CTBP2: variants seen among roughly 807,000 people sequenced by gnomAD.
CTBP2 encodes C-terminal binding protein 2, also known as C-terminal-binding protein 2.
A neutral mutation model predicts 80.3 loss-of-function variants in CTBP2; 30 were observed. The ratio of observed to expected loss-of-function variants is 0.37; its 90% CI spans 0.28 to 0.51. The LOEUF is 0.51. Among genes scored for constraint, CTBP2 ranks in the 20% least tolerant of loss-of-function variants. The probability of loss-of-function intolerance (pLI) is 0.93; values close to 1 mark genes in which losing one functional copy is unlikely to be tolerated. For missense variants in CTBP2, 1,212 were observed against 1,375.3 expected, an observed-to-expected ratio of 0.88 and a Z score of 1.88; for synonymous variants, 594 against 587.4, an observed-to-expected ratio of 1.01 and a Z score of -0.16.
At chr10:125,096,742 CAA>C (rs1355574957) in intron 2 of CTBP2, among the ~76,000 whole-genome samples, 1 of 120,050 alleles carries the variant, frequency 8.3e-6, no homozygotes. Flanking sequence ...TGAAATAGCT[CAA>C]AGAGACTTGT....
chr10:125,097,557 T>C (rs74493873), intron 2 of CTBP2, among the ~76,000 whole-genome samples: 4,662 of 152,272 alleles, frequency 0.031, 106 homozygotes, highest in Middle Eastern at 0.065. Flanking sequence ...AAGCCTGTTC[T>C]CTGTCCCGCT....
chr10:125,103,963 C>T (rs1851045188), intron 2 of CTBP2, among the ~76,000 whole-genome samples: 1 of 152,176 alleles, frequency 6.6e-6, no homozygotes, highest in Admixed American at 6.5e-5. Context: ...TTACACCCTA[C>T]CCACGACAAC....
chr10:125,058,193 T>C (rs558329309), intron 2 of CTBP2, among the ~76,000 whole-genome samples: 14 of 152,130 alleles, frequency 9.2e-5, no homozygotes, highest in Middle Eastern at 3.4e-3. Flanking sequence ...GAGGTCCCAG[T>C]TGCACCCAGC....
At position 125,040,599 on chromosome 10, in the gene CTBP2, TACACACACAC is replaced by T. The variant is rs59512017; in HGVS notation, c.-101-1454_-101-1445del. On this transcript the variant is annotated intron_variant, in intron 2 of 10. Transcript: ENST00000337195. ...TTTTAAGACCACCACCACAACCACA[TACACACACAC>T]ACACACACACACACACAGAAAAAGT... is the stretch of plus-strand genomic sequence containing the variant. Among the ~76,000 whole-genome samples, 4 of 145,976 alleles carry T rather than the reference TACACACACAC, an allele frequency of 2.7e-5. 1 individual carries two copies. In the South Asian group the frequency reaches 6.6e-4, roughly 24 times the overall value.
At chr10:125,002,350 G>A (rs3781442) in intron 3 of CTBP2, among the ~76,000 whole-genome samples, 64,502 of 152,168 alleles carry the variant, frequency 0.42, 15,537 homozygotes, top group East Asian at 0.66. Context: ...ACCCCCAGCC[G>A]CAAGTGCATG....
At position 124,985,556 on chromosome 10, in the gene CTBP2, T is replaced by TG. The variant is rs1314922129; in HGVS notation, c.*3961_*3962insC. 6.6e-6 allele frequency: 1 copy of TG among 152,652 alleles called. No homozygotes were observed. Among genetic ancestry groups the TG allele is most frequent in the Non-Finnish European group, 1.5e-5 (1 of 68,054 alleles). The allele number at this position is 152,652 out of a possible 1,614,324, so 9.5% of individuals were successfully genotyped here. On this transcript the variant is annotated 3_prime_UTR_variant, in exon 9 of 9. Coordinates refer to ENST00000309035, the MANE Select transcript of CTBP2 (RefSeq NM_022802.3). ...GTTCCTCTTGTGCCCAATCAAATCT[T>TG]TTAGGAACAAACTGCAAGAAAAGCT...
At chr10:125,107,620 G>A (rs1851658596) in intron 2 of CTBP2, among the ~76,000 whole-genome samples, 1 of 152,248 alleles carries the variant, frequency 6.6e-6, no homozygotes, top group Non-Finnish European at 1.5e-5. Flanking sequence ...TAGGTGGCCT[G>A]CTACAGCCAC....
chr10:125,083,604 C>T (rs1165585850), intron 2 of CTBP2, among the ~76,000 whole-genome samples: 1 of 152,160 alleles, frequency 6.6e-6, no homozygotes, highest in Non-Finnish European at 1.5e-5. Flanking sequence ...GCACCTTAGT[C>T]CGAACAAGCA....
intron 2 of CTBP2, among the ~76,000 whole-genome samples, chr10:125,105,058 GGGTGTGATCACA>G (rs1177447460): frequency 1.3e-5 from 2 of 152,190 alleles, no homozygotes; most frequent in Non-Finnish European, 2.9e-5. Context: ...CTAAGTAGAG[GGGTGTGATCACA>G]GTGCACTGCA....
intron 1 of CTBP2, among the ~76,000 whole-genome samples, chr10:125,142,541 C>T (rs1441755584): frequency 1.3e-5 from 2 of 152,146 alleles, no homozygotes; most frequent in Admixed American, 6.5e-5. Context: ...GGGATGGTTC[C>T]GCAACCACCC....
intron 1 of CTBP2, among the ~76,000 whole-genome samples, chr10:125,016,986 C>T (rs545783651): frequency 6.6e-6 from 1 of 152,220 alleles, no homozygotes; most frequent in Non-Finnish European, 1.5e-5. Context: ...GACTGGCCTG[C>T]GCTGGGCAGT....
chr10:125,020,120 T>C (rs1590114121), intron 1 of CTBP2, among the ~76,000 whole-genome samples: 1 of 152,218 alleles, frequency 6.6e-6, no homozygotes, highest in East Asian at 1.9e-4. Flanking sequence ...TCTGCTCAGG[T>C]ACTTATGCCC....
chr10:125,044,545 T>C (rs1960754081), intron 2 of CTBP2, among the ~76,000 whole-genome samples: 1 of 152,236 alleles, frequency 6.6e-6, no homozygotes, highest in Non-Finnish European at 1.5e-5. Context: ...GAGAGCTGGG[T>C]AGAATCTTCT....
intron 2 of CTBP2, among the ~76,000 whole-genome samples, chr10:125,101,893 C>T (rs1370826811): frequency 6.6e-6 from 1 of 152,158 alleles, no homozygotes; most frequent in African/African-American, 2.4e-5. Context: ...CAATTTTCTA[C>T]ATCCATACAT....
chr10:125,135,231 G>A (rs368843057), intron 1 of CTBP2, among the ~76,000 whole-genome samples: 3 of 152,180 alleles, frequency 2.0e-5, no homozygotes, highest in African/African-American at 7.2e-5. Context: ...GCCCAGGAAT[G>A]CCTCCAGGTG....
intron 3 of CTBP2, among the ~76,000 whole-genome samples, chr10:125,001,872 GGA>G (rs1954556549): frequency 6.6e-6 from 1 of 152,246 alleles, no homozygotes; most frequent in Non-Finnish European, 1.5e-5. Flanking sequence ...CTAAGGCTGT[GGA>G]GAGACAGCTG....
intron 1 of CTBP2, among the ~76,000 whole-genome samples, chr10:125,120,039 T>G (rs1417423541): frequency 6.6e-6 from 1 of 152,252 alleles, no homozygotes; most frequent in Non-Finnish European, 1.5e-5. Context: ...AAGGATGTTC[T>G]CTTGGGGATT....
chr10:125,112,956 T>C (rs1852553357), intron 1 of CTBP2, among the ~76,000 whole-genome samples: 1 of 152,186 alleles, frequency 6.6e-6, no homozygotes, highest in Non-Finnish European at 1.5e-5. Flanking sequence ...CTGAATTCAA[T>C]GAGTCCTCCG....
At chr10:125,038,468 GT>G (rs1471735013) in intron 3 of CTBP2, among the ~76,000 whole-genome samples, 1 of 152,140 alleles carries the variant, frequency 6.6e-6, no homozygotes, top group Admixed American at 6.5e-5. Context: ...ACACTTCAGA[GT>G]TTTGTCCCCA....
Sources: gnomAD v4.1 joint callset for allele counts (sites outside exome capture counted in the v4.1 genomes callset) on GRCh38, gnomAD v4.1.1 for gene constraint, MANE v1.5 for transcripts, NCBI Gene and HGNC (gene_info 2026-07-23, HGNC 2026-07-21) for gene names.